Variants in PPP2R5C observed in about 807,000 individuals in gnomAD.
PPP2R5C encodes serine/threonine-protein phosphatase 2A 56 kDa regulatory subunit gamma isoform.
PPP2R5C carries 7 observed loss-of-function variants against 68.9 expected under a neutral mutation model. That is an observed-to-expected ratio of 0.10 (90% confidence interval 0.06 to 0.19). PPP2R5C has a LOEUF of 0.19. PPP2R5C is among the 10% of genes least tolerant of loss of function. The probability of loss-of-function intolerance (pLI) is 1.00; values close to 1 mark genes in which losing one functional copy is unlikely to be tolerated. For synonymous variants in PPP2R5C, 210 were observed against 222.2 expected (o/e 0.95, Z 0.49); for missense variants, 348 against 641.3 (o/e 0.54, Z 4.94).
intron 1 of PPP2R5C, among the ~76,000 whole-genome samples, chr14:101,812,829 T>TA (rs1270815224): frequency 6.6e-5 from 10 of 152,234 alleles, no homozygotes; most frequent in Admixed American, 2.6e-4. Flanking sequence ...ACCAAGTAAG[T>TA]AAGTAAGGAA....
intron 2 of PPP2R5C, among the ~76,000 whole-genome samples, chr14:101,770,642 TC>T (rs1243054856): frequency 3.3e-5 from 5 of 152,210 alleles, no homozygotes; most frequent in African/African-American, 1.2e-4. Context: ...AGCATTCCTC[TC>T]CCTCTTCAGT....
chr14:101,818,939 C>T (rs2039877650), intron 1 of PPP2R5C: 4 of 1,379,084 alleles, frequency 2.9e-6, no homozygotes, highest in Non-Finnish European at 4.0e-6. Context: ...GCAATGTGTT[C>T]TAATTATGGT....
exon 3 of PPP2R5C, chr14:101,786,086 A>G (rs771898913): frequency 4.5e-6 from 7 of 1,564,342 alleles, no homozygotes; most frequent in Non-Finnish European, 6.1e-6. Context: ...TAAAAGTACC[A>G]GTCTCTCAGC....
At chr14:101,838,715 G>C (rs538316364) in intron 1 of PPP2R5C, among the ~76,000 whole-genome samples, 1 of 152,332 alleles carries the variant, frequency 6.6e-6, no homozygotes, top group African/African-American at 2.4e-5. Flanking sequence ...TATCCTTTGA[G>C]GGTTGTGTTG....
exon 2 of PPP2R5C, chr14:101,856,841 C>A: frequency 6.2e-7 from 1 of 1,614,104 alleles, no homozygotes; most frequent in Non-Finnish European, 8.5e-7. Flanking sequence ...CACCCATAAT[C>A]GGAATGTGAT....
At position 101,776,399 on chromosome 14, in the gene PPP2R5C, C is replaced by T. The variant is rs138461000; in HGVS notation, c.94-9619C>T. 2.4e-3 allele frequency among the ~76,000 whole-genome samples: 367 copies of T among 152,126 alleles called. 3 individuals are homozygous for T. Among genetic ancestry groups the T allele is most frequent in the Middle Eastern group, 0.014 (4 of 294 alleles). On this transcript the variant is annotated intron_variant, in intron 2 of 14. Coordinates refer to the PPP2R5C transcript ENST00000328724. ...TAAACAGTATCATACCTTTTTACTG[C>T]GATTTCTTATCATTTTAAGATAGAT...
intron 1 of PPP2R5C, among the ~76,000 whole-genome samples, chr14:101,823,211 T>C (rs2040184741): frequency 1.3e-5 from 2 of 152,212 alleles, no homozygotes; most frequent in African/African-American, 4.8e-5. Context: ...GCCAAGCTAA[T>C]AGCCTTAGCT....
At chr14:101,768,982 G>A (rs1363982126) in intron 2 of PPP2R5C, among the ~76,000 whole-genome samples, 2 of 151,990 alleles carry the variant, frequency 1.3e-5, no homozygotes, top group African/African-American at 2.4e-5. Flanking sequence ...CCGCCACCAC[G>A]CCCGGCTCAT....
At chr14:101,826,969 CTTTTTTTT>C (rs1030539072) in intron 1 of PPP2R5C, among the ~76,000 whole-genome samples, 2 of 95,862 alleles carry the variant, frequency 2.1e-5, no homozygotes, top group Non-Finnish European at 4.0e-5. Context: ...AAATGTTTAA[CTTTTTTTT>C]TTTTTTTTTT....
chr14:101,767,643 C>A (rs942234028), intron 2 of PPP2R5C, among the ~76,000 whole-genome samples: 1 of 152,180 alleles, frequency 6.6e-6, no homozygotes, highest in Non-Finnish European at 1.5e-5. Context: ...CTTTAAAAAT[C>A]TTTTTGAAAT....
chr14:101,909,689 A>C (rs776575511), exon 11 of PPP2R5C: 17 of 1,583,786 alleles, frequency 1.1e-5, no homozygotes, highest in Non-Finnish European at 3.5e-6. Flanking sequence ...AGAGAAACTA[A>C]AGTGAGTTGT....
chr14:101,924,445 CTT>C lies in PPP2R5C; in HGVS notation c.1444-685_1444-684del, dbSNP rs11325673. Among the ~76,000 whole-genome samples the C allele has an allele frequency of 1.9e-4, 16 of 84,510 alleles. 1 individual carries two copies. The highest frequency in any genetic ancestry group is 3.4e-4 in the Admixed American group (3 of 8,782). The allele number at this position is 84,510 out of a possible 152,430, so 55.4% of individuals were successfully genotyped here. ...TTTACCTCCAAGGAAATTTCTACAT[CTT>C]TTTTTTTTTTGAGATGGAGTCTGGA... On this transcript the variant is annotated intron_variant, in intron 13 of 13. Transcript: ENST00000334743.
At chr14:101,893,865 G>C (rs923528315) in intron 7 of PPP2R5C, among the ~76,000 whole-genome samples, 17 of 152,198 alleles carry the variant, frequency 1.1e-4, no homozygotes, top group African/African-American at 4.1e-4. Context: ...GCATTTACCT[G>C]GATTTGGTTT....
intron 12 of PPP2R5C, among the ~76,000 whole-genome samples, chr14:101,912,785 A>T (rs185731004): frequency 6.6e-6 from 1 of 152,226 alleles, no homozygotes; most frequent in African/African-American, 2.4e-5. Context: ...CTCAGATATC[A>T]TAGATGCTGT....
chr14:101,821,442 TGG>T (rs1468681928), intron 1 of PPP2R5C, among the ~76,000 whole-genome samples: 94 of 90,160 alleles, frequency 1.0e-3, no homozygotes, highest in African/African-American at 3.1e-3. Flanking sequence ...CTGTGGGGGG[TGG>T]GTGGGTGGGT....
At chr14:101,860,266 T>C (rs2042669817) in intron 2 of PPP2R5C, among the ~76,000 whole-genome samples, 1 of 152,220 alleles carries the variant, frequency 6.6e-6, no homozygotes, top group Non-Finnish European at 1.5e-5. Flanking sequence ...GATTTGCCTG[T>C]TGTGGACATT....
At chr14:101,762,312 A>T (rs2036591482) in intron 1 of PPP2R5C, among the ~76,000 whole-genome samples, 1 of 151,578 alleles carries the variant, frequency 6.6e-6, no homozygotes, top group Non-Finnish European at 1.5e-5. Context: ...CCCGGAAAGG[A>T]GCTTCAGGGA....
exon 9 of PPP2R5C, chr14:101,901,845 C>T (rs2045711556): frequency 6.2e-7 from 1 of 1,614,090 alleles, no homozygotes; most frequent in Non-Finnish European, 8.5e-7. Context: ...CATGGAACCC[C>T]TCTTCCGGCA....
At chr14:101,912,313 G>A in intron 11 of PPP2R5C, 88 bp from the exon 14 acceptor site, 1 of 1,140,412 alleles carries the variant, frequency 8.8e-7, no homozygotes, top group East Asian at 2.8e-5. Context: ...GCCGCTGGCT[G>A]GGCTCAACAT....
Sources: allele counts gnomAD v4.1 joint callset (sites outside exome capture counted in the v4.1 genomes callset), GRCh38; gene constraint gnomAD v4.1.1; transcripts MANE v1.5; gene names NCBI Gene and HGNC (gene_info 2026-07-23, HGNC 2026-07-21).